The following MTSS1 variants were observed in gnomAD, a reference collection of about 807,000 sequenced individuals.
The protein encoded by MTSS1 is MTSS I-BAR domain containing 1, also known as protein MTSS 1.
MTSS1 carries 18 observed loss-of-function variants against 79.0 expected under a neutral mutation model. The ratio of observed to expected loss-of-function variants is 0.23; its 90% confidence interval spans 0.16 to 0.34. The LOEUF is 0.34. Ranked by LOEUF, MTSS1 falls within the 10% of genes least tolerant of loss-of-function variation. MTSS1 has a pLI of 1.00. For missense variants in MTSS1, 815 were observed against 986.2 expected, an observed-to-expected ratio of 0.83 and a Z score of 2.33; for synonymous variants, 341 against 368.6, an observed-to-expected ratio of 0.93 and a Z score of 0.86.
chr8:124,717,262 C>A (rs1228340101), intron 1 of MTSS1, among the ~76,000 whole-genome samples: 1 of 151,494 alleles, frequency 6.6e-6, no homozygotes. Flanking sequence ...GAGGCCAAGG[C>A]GGGCAGATCA....
chr8:124,710,834 A>G (rs1831058802), intron 1 of MTSS1, among the ~76,000 whole-genome samples: 1 of 152,168 alleles, frequency 6.6e-6, no homozygotes, highest in South Asian at 2.1e-4. Context: ...ACTGCCAGAG[A>G]AAGGGCAACT....
At position 124,551,449 on chromosome 8, in the gene MTSS1, C is replaced by T. The variant is rs1308737148; in HGVS notation, c.*1543G>A. 3 of 152,578 alleles carry T rather than the reference C, an allele frequency of 2.0e-5. No individual in the cohort carries two copies. Among genetic ancestry groups the T allele is most frequent in the Non-Finnish European group, 4.4e-5 (3 of 68,034 alleles). The allele number at this position is 152,578 out of a possible 1,614,324, so 9.5% of individuals were successfully genotyped here. ...TATATAGAACAATGACCATACGGTA[C>T]GTTACTCTCACATCCAATGCAGTTA... On this transcript the variant is annotated 3_prime_UTR_variant, in exon 14 of 14. Transcript: ENST00000518547.
intron 3 of MTSS1, among the ~76,000 whole-genome samples, chr8:124,628,159 C>T (rs1164239602): frequency 1.3e-5 from 2 of 152,004 alleles, no homozygotes; most frequent in Non-Finnish European, 2.9e-5. Context: ...AGAGGGAGAC[C>T]CTGTCTCAAA....
At chr8:124,566,941 T>C (rs1413079954) in intron 8 of MTSS1, 130 bp downstream of exon 8, 8 of 692,838 alleles carry the variant, frequency 1.2e-5, no homozygotes, top group Non-Finnish European at 2.0e-5. Flanking sequence ...TGATTTCATA[T>C]ATTACATCAT....
rs1466795191 is a variant in MTSS1 at position 124,683,566 on chromosome 8, A to G, written c.208+15960T>C. Among the ~76,000 whole-genome samples the G allele has an allele frequency of 6.6e-6, 1 of 152,194 alleles. No individual in the cohort carries two copies. The highest frequency in any genetic ancestry group is 2.4e-5 in the African/African-American group (1 of 41,440). ...CTCAACTGGAGGCCAGAGGTGGGACACGCCCTAGGAAGCATCCAGACAGAC... is the reference window on the plus strand; with the variant it reads ...CTCAACTGGAGGCCAGAGGTGGGACGCGCCCTAGGAAGCATCCAGACAGAC... On this transcript the variant is annotated intron_variant, in intron 3 of 13. Transcript: ENST00000518547. This position sits in a 1 kb window ranked among gnomAD's most constrained non-coding sequence, Gnocchi z 4.5.
Position 124,636,736 on chromosome 8 carries a change from G to A in MTSS1, c.209-45501C>T, listed in dbSNP as rs2133912917. 2.0e-5 allele frequency among the ~76,000 whole-genome samples: 3 copies of A among 152,258 alleles called. No individual in the cohort carries two copies. The South Asian group carries it at 6.2e-4, about 32-fold the overall frequency. On this transcript the variant is annotated intron_variant, in intron 3 of 13. Coordinates refer to ENST00000518547, the MANE Select transcript of MTSS1 (RefSeq NM_014751.6). Reference sequence around the variant, plus strand: ...TCCTTGACAATCCGAAAGTACCTAAGCACCCATCGCCATTGGAGAGGGTGC... The same window carrying A: ...TCCTTGACAATCCGAAAGTACCTAAACACCCATCGCCATTGGAGAGGGTGC...
chr8:124,663,857 G>A (rs149116004), intron 3 of MTSS1, among the ~76,000 whole-genome samples: 80 of 152,272 alleles, frequency 5.3e-4, no homozygotes, highest in African/African-American at 1.8e-3. Flanking sequence ...GACAGGAAAC[G>A]CCATGACAGA....
At chr8:124,559,975 A>G (rs1033804034) in intron 10 of MTSS1, among the ~76,000 whole-genome samples, 3 of 152,202 alleles carry the variant, frequency 2.0e-5, no homozygotes, top group African/African-American at 7.2e-5. Flanking sequence ...AGGTCCCTAC[A>G]AAGGAACAGA....
At chr8:124,659,556 C>G (rs780983169) in intron 3 of MTSS1, among the ~76,000 whole-genome samples, 1 of 152,148 alleles carries the variant, frequency 6.6e-6, no homozygotes, top group Non-Finnish European at 1.5e-5. Context: ...AGATTAAAGG[C>G]TAAGAATTAT....
At chr8:124,628,849 G>A (rs1815272024) in intron 3 of MTSS1, among the ~76,000 whole-genome samples, 1 of 152,154 alleles carries the variant, frequency 6.6e-6, no homozygotes, top group South Asian at 2.1e-4. Flanking sequence ...GCCATAGGTG[G>A]GTAGACCTAG....
At chr8:124,584,015 G>A (rs6470253) in intron 6 of MTSS1, among the ~76,000 whole-genome samples, 49,057 of 152,102 alleles carry the variant, frequency 0.32, 9,395 homozygotes, top group Non-Finnish European at 0.44. Flanking sequence ...GATTGTGGGT[G>A]AAAATTCTGC....
At chr8:124,605,519 G>A (rs1834633677) in intron 3 of MTSS1, among the ~76,000 whole-genome samples, 1 of 150,516 alleles carries the variant, frequency 6.6e-6, no homozygotes, top group Non-Finnish European at 1.5e-5. Flanking sequence ...GCTCTAAGCT[G>A]GGACTCTGCG....
chr8:124,596,614 G>T (rs1832812755), intron 3 of MTSS1, among the ~76,000 whole-genome samples: 1 of 152,178 alleles, frequency 6.6e-6, no homozygotes, highest in Non-Finnish European at 1.5e-5. Context: ...ATTGGCTTTT[G>T]GGGGCTGCTG....
intron 9 of MTSS1, chr8:124,564,749 T>C (rs1826044103): frequency 8.5e-6 from 1 of 117,474 alleles, no homozygotes; most frequent in Non-Finnish European, 2.0e-5. Flanking sequence ...CAAACCAATA[T>C]CTTCAGGGGG....
chr8:124,671,844 G>A (rs1370924898), intron 3 of MTSS1, among the ~76,000 whole-genome samples: 2 of 152,200 alleles, frequency 1.3e-5, no homozygotes, highest in Admixed American at 6.5e-5. Flanking sequence ...AGAAGAGATT[G>A]AGAGTCTCTG....
intron 3 of MTSS1, among the ~76,000 whole-genome samples, chr8:124,599,014 C>A (rs1833257598): frequency 1.3e-5 from 2 of 152,194 alleles, no homozygotes; most frequent in African/African-American, 4.8e-5. Flanking sequence ...AACAGCCAGC[C>A]CCAAAGTGTC....
rs569112435 is a variant in MTSS1 at position 124,560,915 on chromosome 8, C to A, written c.1035+1867G>T. On this transcript the variant is annotated intron_variant, in intron 10 of 13. Transcript: ENST00000518547. ...CGGCTTTCATCTCAGACCTGTGTTA[C>A]TCAGTAGAGAAATGAAGGGCTCCTG... Among the ~76,000 whole-genome samples the A allele has an allele frequency of 2.6e-5, 4 of 152,256 alleles. No homozygotes were observed. In the South Asian group the frequency reaches 8.3e-4, roughly 32 times the overall value.
At chr8:124,565,641 G>A (rs779564019) in intron 9 of MTSS1, 21 bp downstream of exon 9, 2 of 1,601,006 alleles carry the variant, frequency 1.2e-6, no homozygotes, top group Non-Finnish European at 8.6e-7. Flanking sequence ...GAAAGCAAGA[G>A]TGGACCCCGG....
chr8:124,632,865 G>A (rs551098481), intron 3 of MTSS1, among the ~76,000 whole-genome samples: 8 of 152,206 alleles, frequency 5.3e-5, no homozygotes, highest in African/African-American at 1.4e-4. Flanking sequence ...ATGGGGTTTT[G>A]CCATGTTAAC....
Sources: allele counts gnomAD v4.1 joint callset (sites outside exome capture counted in the v4.1 genomes callset), GRCh38; gene constraint gnomAD v4.1.1; non-coding constraint Gnocchi (gnomAD v3.1); transcripts MANE v1.5; gene names NCBI Gene and HGNC (gene_info 2026-07-23, HGNC 2026-07-21).